The following SHANK2 variants were observed in gnomAD, a reference collection of about 807,000 sequenced individuals.
SHANK2 encodes the protein SH3 and multiple ankyrin repeat domains 2, also known as SH3 and multiple ankyrin repeat domains protein 2.
In SHANK2, 43 loss-of-function variants were observed where a neutral mutation model predicts 133.7. That is an observed-to-expected ratio of 0.32 (90% CI 0.25 to 0.41). SHANK2 has a LOEUF of 0.41. Among genes scored for constraint, SHANK2 ranks in the 10% least tolerant of loss-of-function variants. The pLI is 1.00. For synonymous variants in SHANK2, 1,017 were observed against 952.8 expected (o/e 1.07, Z -1.24); for missense variants, 1,994 against 2,235.8 (o/e 0.89, Z 2.18).
chr11:70,736,632 G>A (rs1385274281), intron 14 of SHANK2, among the ~76,000 whole-genome samples: 2 of 152,148 alleles, frequency 1.3e-5, no homozygotes, highest in African/African-American at 4.8e-5. Flanking sequence ...CGGCCCTGCT[G>A]CCACCGTGAT....
rs1555002439 is a variant in SHANK2 at position 70,632,124 on chromosome 11, A to ATTTTCG, written c.2061+27703_2061+27704insCGAAAA. 1.6e-4 allele frequency among the ~76,000 whole-genome samples: 25 copies of ATTTTCG among 152,072 alleles called. No individual in the cohort carries two copies. The South Asian group carries it at 5.2e-3, about 32-fold the overall frequency. On this transcript the variant is annotated intron_variant, in intron 17 of 25. Coordinates refer to ENST00000601538, the MANE Select transcript of SHANK2 (RefSeq NM_012309.5). ...TCAGGGAAGAGTGGACTGAGCGGACATTTTTGTTTTTGTTTTTGAGACAGT... is the reference window on the plus strand; with the variant it reads ...TCAGGGAAGAGTGGACTGAGCGGACATTTTCGTTTTTGTTTTTGTTTTTGAGACAGT...
intron 1 of SHANK2, chr11:71,240,827 T>C (rs1954880449): frequency 6.6e-6 from 1 of 152,242 alleles, no homozygotes; most frequent in Non-Finnish European, 1.5e-5. Flanking sequence ...TCCCAACTCC[T>C]TGGGAGGCTG....
At chr11:71,065,483 G>A (rs1951040105) in intron 9 of SHANK2, among the ~76,000 whole-genome samples, 1 of 143,050 alleles carries the variant, frequency 7.0e-6, no homozygotes, top group African/African-American at 2.6e-5. Context: ...AACTCTTCCA[G>A]GGAGATGAGC....
At chr11:70,719,032 A>G (rs782085299) in intron 14 of SHANK2, among the ~76,000 whole-genome samples, 9 of 152,234 alleles carry the variant, frequency 5.9e-5, no homozygotes, top group Non-Finnish European at 1.0e-4. Flanking sequence ...CCTGGCATAC[A>G]GTAGGCACGC....
At chr11:71,109,437 C>T (rs1372497339) in intron 6 of SHANK2, among the ~76,000 whole-genome samples, 2 of 152,336 alleles carry the variant, frequency 1.3e-5, no homozygotes, top group Admixed American at 6.5e-5. Context: ...CTCACACACT[C>T]GTGGAACCAC....
At chr11:70,601,768 A>C (rs1554991133) in intron 17 of SHANK2, among the ~76,000 whole-genome samples, 1 of 152,272 alleles carries the variant, frequency 6.6e-6, no homozygotes, top group Non-Finnish European at 1.5e-5. Flanking sequence ...AACAGTCCAG[A>C]AACATAAAAG....
At chr11:70,567,515 T>C (rs1296402676) in intron 17 of SHANK2, among the ~76,000 whole-genome samples, 3 of 151,800 alleles carry the variant, frequency 2.0e-5, no homozygotes, top group Admixed American at 1.3e-4. Flanking sequence ...TAATCCCAGA[T>C]ACTCGGGAGG....
At chr11:70,762,229 T>C (rs1591822254) in intron 14 of SHANK2, among the ~76,000 whole-genome samples, 1 of 127,274 alleles carries the variant, frequency 7.9e-6, no homozygotes. Flanking sequence ...AATTCTGTGG[T>C]TTTACAAACG....
Position 71,252,511 on chromosome 11 carries a change from G to GA in SHANK2, c.-200_-199insT, listed in dbSNP as rs1948202712. 2.6e-5 allele frequency: 4 copies of GA among 151,132 alleles called. No individual in the cohort carries two copies. The highest frequency in any genetic ancestry group is 5.9e-5 in the Non-Finnish European group (4 of 67,682). 9.4% of individuals were successfully genotyped at this position (151,132 alleles called of 1,614,324 possible). Reference sequence around the variant, plus strand: ...TGGATCGGCCGCGGGAACCCGAGCGGCGCCGCGCCCAGCCCCGCCGGAGCT... The same window carrying GA: ...TGGATCGGCCGCGGGAACCCGAGCGGACGCCGCGCCCAGCCCCGCCGGAGCT... On this transcript the variant is annotated 5_prime_UTR_variant, in exon 1 of 26. Coordinates refer to ENST00000601538, the MANE Select transcript of SHANK2 (RefSeq NM_012309.5). This position sits in a 1 kb window ranked among gnomAD's most constrained non-coding sequence, Gnocchi z 6.3.
At chr11:70,863,594 G>A (rs546518252) in intron 11 of SHANK2, 2 of 453,874 alleles carry the variant, frequency 4.4e-6, no homozygotes, top group Admixed American at 2.4e-5. Flanking sequence ...ACTCAGGCTG[G>A]TGCAAACGGA....
At chr11:70,879,767 G>A (rs1438024832) in intron 11 of SHANK2, among the ~76,000 whole-genome samples, 6 of 152,204 alleles carry the variant, frequency 3.9e-5, no homozygotes, top group African/African-American at 1.4e-4. Context: ...GACACCGGCG[G>A]TGGGACCCTC....
chr11:70,548,137 G>A (rs986815214), intron 17 of SHANK2, among the ~76,000 whole-genome samples: 46 of 152,380 alleles, frequency 3.0e-4, no homozygotes, highest in Admixed American at 1.4e-3. Context: ...AAGGATGGCC[G>A]GCAGGGGTTG....
At chr11:70,810,227 C>T (rs552425467) in intron 12 of SHANK2, among the ~76,000 whole-genome samples, 11 of 152,322 alleles carry the variant, frequency 7.2e-5, no homozygotes, top group South Asian at 2.1e-4. Context: ...AGCTGATGAA[C>T]GCAACAGCAG....
chr11:70,778,093 C>T (rs564825262), intron 14 of SHANK2, among the ~76,000 whole-genome samples: 1 of 152,290 alleles, frequency 6.6e-6, no homozygotes, highest in East Asian at 1.9e-4. Context: ...ACTGTCAATG[C>T]CAACAGAGGC....
chr11:70,755,291 C>T (rs561455208), intron 14 of SHANK2, among the ~76,000 whole-genome samples: 4 of 152,278 alleles, frequency 2.6e-5, no homozygotes, highest in Admixed American at 6.5e-5. Flanking sequence ...AGGCTGGTCT[C>T]GAACTCCTGA....
chr11:70,868,054 G>A (rs782770098), intron 11 of SHANK2, among the ~76,000 whole-genome samples: 25 of 152,252 alleles, frequency 1.6e-4, no homozygotes, highest in Middle Eastern at 3.2e-3. Flanking sequence ...AATGTACGCC[G>A]TCACCAAGGG....
At chr11:71,059,281 AG>A (rs1283877314) in intron 9 of SHANK2, among the ~76,000 whole-genome samples, 1 of 152,138 alleles carries the variant, frequency 6.6e-6, no homozygotes, top group Non-Finnish European at 1.5e-5. Context: ...GGAAATAGGG[AG>A]CAGCTGCCAA....
intron 14 of SHANK2, among the ~76,000 whole-genome samples, chr11:70,745,759 C>T (rs1291088948): frequency 6.6e-6 from 1 of 152,206 alleles, no homozygotes; most frequent in African/African-American, 2.4e-5. Context: ...TGAGCTGTCC[C>T]TAGGTCACCC....
At chr11:71,086,214 G>T in intron 8 of SHANK2, among the ~76,000 whole-genome samples, 5 of 80,120 alleles carry the variant, frequency 6.2e-5, no homozygotes, top group Admixed American at 2.4e-4. Flanking sequence ...AATATATTAT[G>T]TTATATAATA....
Sources: allele counts gnomAD v4.1 joint callset (sites outside exome capture counted in the v4.1 genomes callset), GRCh38; gene constraint gnomAD v4.1.1; non-coding constraint Gnocchi (gnomAD v3.1); transcripts MANE v1.5; gene names NCBI Gene and HGNC (gene_info 2026-07-23, HGNC 2026-07-21).